The following TMEM74 variants were observed in gnomAD, a reference collection of about 807,000 sequenced individuals.
TMEM74 encodes the protein transmembrane protein 74.
Under a neutral mutation model 18.1 loss-of-function variants are expected in TMEM74, and 13 were observed. The ratio of observed to expected loss-of-function variants is 0.72; its 90% CI spans 0.47 to 1.14. TMEM74 has a LOEUF of 1.14. TMEM74 is among the 50% of genes most tolerant of loss of function. The probability of loss-of-function intolerance (pLI) is 0.00; values close to 1 mark genes in which losing one functional copy is unlikely to be tolerated. For synonymous variants in TMEM74, 159 were observed against 146.6 expected (o/e 1.08, Z -0.61); for missense variants, 372 against 375.9 (o/e 0.99, Z 0.09).
At chr8:108,619,308 A>T (rs1356191813) in intron 2 of TMEM74, among the ~76,000 whole-genome samples, 1 of 152,218 alleles carries the variant, frequency 6.6e-6, no homozygotes, top group African/African-American at 2.4e-5. Flanking sequence ...GAATAAGCAG[A>T]GTAAGAAGTT....
chr8:108,770,976 C>A (rs1048874454), intron 1 of TMEM74, among the ~76,000 whole-genome samples: 27 of 152,118 alleles, frequency 1.8e-4, no homozygotes, highest in African/African-American at 6.5e-4. Context: ...CCCACATCGT[C>A]CCTTGTCACT....
intron 1 of TMEM74, among the ~76,000 whole-genome samples, chr8:108,723,092 G>A (rs1644322125): frequency 6.6e-6 from 1 of 152,184 alleles, no homozygotes; most frequent in Non-Finnish European, 1.5e-5. Flanking sequence ...GTGCTGCAGT[G>A]AGCTCATTTG....
At chr8:108,657,881 T>TATATATATATATATTAATTAC (rs1812858926) in intron 1 of TMEM74, among the ~76,000 whole-genome samples, 5 of 98,480 alleles carry the variant, frequency 5.1e-5, no homozygotes, top group South Asian at 3.2e-4. Context: ...TATATATATA[T>TATATATATATATATTAATTAC]ATATATATAT....
chr8:108,643,446 G>C (rs1215586869), intron 2 of TMEM74, among the ~76,000 whole-genome samples: 1 of 152,110 alleles, frequency 6.6e-6, no homozygotes, highest in Non-Finnish European at 1.5e-5. Context: ...AATTTGTATA[G>C]ATATATTTAT....
exon 4 of TMEM74, chr8:108,607,151 T>C (rs1414400592): frequency 6.6e-6 from 1 of 152,176 alleles, no homozygotes; most frequent in African/African-American, 2.4e-5. Context: ...GCTTTATTGG[T>C]CAAAATAATC....
At chr8:108,764,377 T>G (rs1466992930) in intron 1 of TMEM74, among the ~76,000 whole-genome samples, 1 of 152,138 alleles carries the variant, frequency 6.6e-6, no homozygotes, top group Non-Finnish European at 1.5e-5. Flanking sequence ...TGTCAATGAT[T>G]AAAAATGTGT....
chr8:108,707,328 C>T (rs1011062059), intron 1 of TMEM74, among the ~76,000 whole-genome samples: 1 of 127,304 alleles, frequency 7.9e-6, no homozygotes, highest in South Asian at 2.5e-4. Context: ...AGAACTTAAA[C>T]TATAAAAAAA....
intron 1 of TMEM74, among the ~76,000 whole-genome samples, chr8:108,731,493 A>G (rs1185382222): frequency 6.6e-6 from 1 of 152,158 alleles, no homozygotes; most frequent in Non-Finnish European, 1.5e-5. Flanking sequence ...GTTATTTAGG[A>G]TAAGGATGGC....
chr8:108,776,130 A>G (rs1016673310), downstream of TMEM74, among the ~76,000 whole-genome samples: 5 of 152,248 alleles, frequency 3.3e-5, no homozygotes, highest in African/African-American at 4.8e-5. Context: ...AGCTCTATGA[A>G]TGTTAAAAAC....
At chr8:108,711,856 T>C (rs1211878154) in intron 1 of TMEM74, among the ~76,000 whole-genome samples, 1 of 152,128 alleles carries the variant, frequency 6.6e-6, no homozygotes, top group South Asian at 2.1e-4. Flanking sequence ...ATAAGAAATG[T>C]GCCCAGAATT....
chr8:108,670,372 G>T (rs536260970), intron 1 of TMEM74, among the ~76,000 whole-genome samples: 3 of 152,302 alleles, frequency 2.0e-5, no homozygotes, highest in Non-Finnish European at 2.9e-5. Flanking sequence ...TCTTTGGAAA[G>T]AAAGGAGTGT....
intron 1 of TMEM74, among the ~76,000 whole-genome samples, chr8:108,673,040 G>C (rs2130591628): frequency 6.6e-6 from 1 of 152,314 alleles, no homozygotes; most frequent in East Asian, 1.9e-4. Context: ...TTATGTAGCA[G>C]AGACGTAAAT....
At chr8:108,609,335 G>A (rs1457298663) in intron 2 of TMEM74, among the ~76,000 whole-genome samples, 1 of 133,774 alleles carries the variant, frequency 7.5e-6, no homozygotes, top group Non-Finnish European at 1.7e-5. Context: ...AGTTTAACGT[G>A]TTTAAGTTAA....
At chr8:108,761,824 C>CA (rs541832429) in intron 1 of TMEM74, among the ~76,000 whole-genome samples, 1 of 151,876 alleles carries the variant, frequency 6.6e-6, no homozygotes, top group Non-Finnish European at 1.5e-5. Context: ...GGGTTTATTA[C>CA]AAAAAATATA....
At chr8:108,778,736 G>C (rs933294302), downstream of TMEM74, among the ~76,000 whole-genome samples, 9 of 152,140 alleles carry the variant, frequency 5.9e-5, no homozygotes, top group Non-Finnish European at 1.0e-4. Context: ...TAGATTAAAA[G>C]CAGGTGCATA....
chr8:108,647,833 A>C (rs918366443), intron 2 of TMEM74, among the ~76,000 whole-genome samples: 1 of 152,130 alleles, frequency 6.6e-6, no homozygotes, highest in Non-Finnish European at 1.5e-5. Flanking sequence ...TATTAGGGGT[A>C]AGTACTTAGT....
intron 1 of TMEM74, among the ~76,000 whole-genome samples, chr8:108,670,868 G>A (rs1038466057): frequency 6.6e-6 from 1 of 152,124 alleles, no homozygotes; most frequent in African/African-American, 2.4e-5. Flanking sequence ...AAACCTTTAT[G>A]TTCTGTTTTA....
rs956629505 is a variant in TMEM74, at chr8:108,787,290, G to A, written c.-40+186C>T. Reference sequence around the variant, plus strand: ...GGCAGCGGTGCCCCCAGCAGGCGCCGAGGAATCCGGCTATCCATTTCTGGT... The same window carrying A: ...GGCAGCGGTGCCCCCAGCAGGCGCCAAGGAATCCGGCTATCCATTTCTGGT... On this transcript the variant is annotated intron_variant, in intron 1 of 1. Coordinates refer to ENST00000297459, the MANE Select transcript of TMEM74 (RefSeq NM_153015.3). Among the ~76,000 whole-genome samples the A allele has an allele frequency of 1.1e-4, 17 of 152,290 alleles. No homozygotes were observed. The East Asian group carries it at 1.2e-3, about 10-fold the overall frequency.
Position 108,784,555 on chromosome 8 carries a change from T to C in TMEM74, c.544A>G (p.Ile182Val), listed in dbSNP as rs1188141399. ...KSIDYGFISA[I>V]LFLVTGILLV... is the part of the protein sequence containing the mutation. ...AGGATCCCAGTGACCAAGAACAAGA[T>C]GGCGCTGATGAAACCATAGTCTATA... The change falls in exon 2 of 2, where the codon ATC becomes GTC. Residue 182 changes from isoleucine (I) to valine (V), a missense_variant. Transcript: ENST00000297459. The C allele has an allele frequency of 1.2e-6, 2 of 1,614,000 alleles. No homozygotes were observed. The highest frequency in any genetic ancestry group is 1.7e-6 in the Non-Finnish European group (2 of 1,180,054).
Sources: gnomAD v4.1 joint callset for allele counts (sites outside exome capture counted in the v4.1 genomes callset) on GRCh38, gnomAD v4.1.1 for gene constraint, MANE v1.5 for transcripts, NCBI Gene and HGNC (gene_info 2026-07-23, HGNC 2026-07-21) for gene names.